FANCG: variants seen among roughly 807,000 people sequenced by gnomAD.
The protein encoded by FANCG is FA complementation group G.
A neutral mutation model predicts 73.3 loss-of-function variants in FANCG; 67 were observed. The observed-to-expected ratio is 0.91, with a 90% CI of 0.75 to 1.12. The LOEUF is 1.12. FANCG is among the 50% of genes most tolerant of loss of function. The probability of loss-of-function intolerance (pLI) is 0.00; values close to 1 mark genes in which losing one functional copy is unlikely to be tolerated. For missense variants in FANCG, 643 were observed against 735.6 expected (o/e 0.87, Z 1.46); for synonymous variants, 297 against 311.6 (o/e 0.95, Z 0.49).
intron 4 of FANCG, 102 bp downstream of exon 4, chr9:35,078,039 A>G (rs1256488296): frequency 1.7e-6 from 2 of 1,207,992 alleles, no homozygotes; most frequent in Non-Finnish European, 2.5e-6. Flanking sequence ...CCGACCACCA[A>G]CCCAGCCGCC....
At chr9:35,078,543 T>C in intron 3 of FANCG, 62 bp downstream of exon 3, 1 of 1,612,092 alleles carries the variant, frequency 6.2e-7, no homozygotes, top group Non-Finnish European at 8.5e-7. Flanking sequence ...CCCATCTCCC[T>C]GCAATAACTT....
At position 35,074,373 on chromosome 9, in the gene FANCG, C is replaced by T; in HGVS notation, c.1758G>A (p.Leu586=). The T allele has an allele frequency of 6.2e-7, 1 of 1,614,218 alleles. No individual in the cohort carries two copies. The highest frequency in any genetic ancestry group is 8.5e-7 in the Non-Finnish European group (1 of 1,180,036). The change falls in exon 13 of 14, where the codon CTG becomes CTA. Residue 586 remains leucine, a splice_region_variant and synonymous_variant. Coordinates refer to ENST00000378643, the MANE Select transcript of FANCG (RefSeq NM_004629.2). ...AQTKGSHEDA[L]WSLPLYLESY... ...AAGCCAGCAGGCCTGAGCCTCACCA[C>T]AGAGCATCTTCATGTGACCCCTTAG...
chr9:35,073,963 C>A lies in FANCG; in HGVS notation c.*145G>T, dbSNP rs536976028. 5.5e-6 allele frequency: 4 copies of A among 728,760 alleles called. No individual in the cohort carries two copies. Among genetic ancestry groups the A allele is most frequent in the Admixed American group, 4.0e-5 (2 of 50,016 alleles). The allele number at this position is 728,760 out of a possible 1,614,324, so 45.1% of individuals were successfully genotyped here. Reference sequence around the variant, plus strand: ...AAAACGAGAATGGTAGTAACTAGGGCAAATTTCACAGGCCTACCACCAATC... The same window carrying A: ...AAAACGAGAATGGTAGTAACTAGGGAAAATTTCACAGGCCTACCACCAATC... On this transcript the variant is annotated 3_prime_UTR_variant, in exon 14 of 14. Coordinates refer to ENST00000378643, the MANE Select transcript of FANCG (RefSeq NM_004629.2).
chr9:35,074,231 G>C lies in FANCG; in HGVS notation c.1761-15C>G. 1.9e-6 allele frequency: 3 copies of C among 1,613,086 alleles called. No homozygotes were observed. The highest frequency in any genetic ancestry group is 2.5e-6 in the Non-Finnish European group (3 of 1,179,012). On this transcript the variant is annotated splice_polypyrimidine_tract_variant and intron_variant, in intron 13 of 13. Coordinates refer to ENST00000378643, the MANE Select transcript of FANCG (RefSeq NM_004629.2). ...GGGGGAGAGACCTGGAGAGAAAGAA[G>C]GATGATGCCTAAGGGTGAAAGATTG...
rs2131051244 is a variant in FANCG at position 35,074,177 on chromosome 9, G to A, written c.1800C>T (p.Ile600=). The change falls in exon 14 of 14, where the codon ATC becomes ATT. Residue 600 remains isoleucine (I), a synonymous_variant. Coordinates refer to ENST00000378643, the MANE Select transcript of FANCG (RefSeq NM_004629.2). Reference sequence around the variant, plus strand: ...GGAAGGCGTCACGATCAGAGGGACGGATCCAGCTCAAATAGCTTTCTAGGT... The same window carrying A: ...GGAAGGCGTCACGATCAGAGGGACGAATCCAGCTCAAATAGCTTTCTAGGT... The part of the protein sequence containing the change: ...PLYLESYLSW[I]RPSDRDAFLE... 1 of 1,614,066 alleles carries A rather than the reference G, an allele frequency of 6.2e-7. No individual in the cohort carries two copies. The highest frequency in any genetic ancestry group is 8.5e-7 in the Non-Finnish European group (1 of 1,179,866).
chr9:35,079,803 G>A lies in FANCG; in HGVS notation c.-279C>T. ...CCTCTTGAAGAGTTAGTTCCCGCGG[G>A]AAACTCGGGGAGGAAACGAGTCAGC... On this transcript the variant is annotated 5_prime_UTR_variant, in exon 1 of 14. Coordinates refer to ENST00000378643, the MANE Select transcript of FANCG (RefSeq NM_004629.2). 1 of 515,556 alleles carries A rather than the reference G, an allele frequency of 1.9e-6. No individual in the cohort carries two copies. The highest frequency in any genetic ancestry group is 3.2e-5 in the Admixed American group (1 of 31,186). 31.9% of individuals were successfully genotyped at this position (515,556 alleles called of 1,614,324 possible).
At chr9:35,077,217 G>A in intron 5 of FANCG, 47 bp downstream of exon 5, 1 of 1,614,100 alleles carries the variant, frequency 6.2e-7, no homozygotes, top group Non-Finnish European at 8.5e-7. Context: ...GCATGAGTCT[G>A]GAGGACCACT....
At position 35,076,590 on chromosome 9, in the gene FANCG, GAGAA is replaced by G; in HGVS notation, c.925-11_925-8del. 1.2e-6 allele frequency: 2 copies of G among 1,614,076 alleles called. No homozygotes were observed. Among genetic ancestry groups the G allele is most frequent in the Non-Finnish European group, 1.7e-6 (2 of 1,179,988 alleles). On this transcript the variant is annotated splice_region_variant and splice_polypyrimidine_tract_variant and intron_variant, in intron 7 of 13. Coordinates refer to ENST00000378643, the MANE Select transcript of FANCG (RefSeq NM_004629.2). ...TGCATGGGACATTCAAGGCCTAAAAGAGAAAGAAAAAAATTGTATCTATAATCTT... is the reference window on the plus strand; with the variant it reads ...TGCATGGGACATTCAAGGCCTAAAAGAGAAAAAAATTGTATCTATAATCTT...
At position 35,076,593 on chromosome 9, in the gene FANCG, A is replaced by G. The variant is rs1187397190; in HGVS notation, c.925-10T>C. 6.2e-7 allele frequency: 1 copy of G among 1,614,126 alleles called. No homozygotes were observed. On this transcript the variant is annotated splice_polypyrimidine_tract_variant and intron_variant, in intron 7 of 13. Transcript: ENST00000378643. ...ATGGGACATTCAAGGCCTAAAAGAG[A>G]AAGAAAAAAATTGTATCTATAATCT... is the stretch of plus-strand genomic sequence containing the variant.
rs567380452 is a variant in FANCG at position 35,076,606 on chromosome 9, G to A, written c.925-23C>T. 12 of 1,613,986 alleles carry A rather than the reference G, an allele frequency of 7.4e-6. No individual in the cohort carries two copies. In the Admixed American group the frequency reaches 1.7e-4, roughly 22 times the overall value. On this transcript the variant is annotated intron_variant, in intron 7 of 13. Transcript: ENST00000378643. ...GGCCTAAAAGAGAAAGAAAAAAATT[G>A]TATCTATAATCTTTGGGAGCCATAC... is the stretch of plus-strand genomic sequence containing the variant.
chr9:35,075,150 C>G, intron 11 of FANCG, 68 bp from the exon 12 acceptor site: 1 of 1,610,542 alleles, frequency 6.2e-7, no homozygotes, highest in Non-Finnish European at 8.5e-7. Context: ...CCAAATCCTC[C>G]TCTATTTCTT....
chr9:35,075,971 C>G lies in FANCG; in HGVS notation c.1134G>C (p.Ser378=), dbSNP rs530574134. The G allele has an allele frequency of 6.2e-7, 1 of 1,614,148 alleles. No individual in the cohort carries two copies. Among genetic ancestry groups the G allele is most frequent in the Non-Finnish European group, 8.5e-7 (1 of 1,180,018 alleles). The part of the protein sequence containing the change: ...LDLLALLLDS[S]EPRFSPPPSP... Reference sequence around the variant, plus strand: ...TTGAAGACACACCCACCCTTGGCTCCGAGCTATCCAGCAACAGGGCCAGCA... The same window carrying G: ...TTGAAGACACACCCACCCTTGGCTCGGAGCTATCCAGCAACAGGGCCAGCA... The change falls in exon 9 of 14, where the codon TCG becomes TCC. Residue 378 remains serine (S), a synonymous_variant. Coordinates refer to ENST00000378643, the MANE Select transcript of FANCG (RefSeq NM_004629.2).
At chr9:35,074,303 A>G in intron 13 of FANCG, 68 bp downstream of exon 13, 2 of 1,613,850 alleles carry the variant, frequency 1.2e-6, no homozygotes, top group South Asian at 1.1e-5. Context: ...TTCACCACCC[A>G]CAATAGGTCC....
intron 12 of FANCG, 103 bp downstream of exon 12, chr9:35,074,824 C>T (rs968837082): frequency 2.2e-5 from 31 of 1,434,722 alleles, no homozygotes; most frequent in Non-Finnish European, 2.6e-5. Flanking sequence ...AATCACCCCT[C>T]CTGTCTGAGA....
intron 3 of FANCG, 102 bp from the exon 4 acceptor site, chr9:35,078,445 A>G: frequency 1.3e-6 from 2 of 1,516,048 alleles, no homozygotes; most frequent in Non-Finnish European, 9.1e-7. Context: ...CAGGACCCCA[A>G]AGGTCACAAT....
Position 35,073,891 on chromosome 9 carries a change from C to A in FANCG, c.*217G>T. ...AAAAGGAGAAACAGGAAAAAAGGTG[C>A]CTCGAGCAAAGTCAATGACTTGGTG... On this transcript the variant is annotated 3_prime_UTR_variant, in exon 14 of 14. Coordinates refer to ENST00000378643, the MANE Select transcript of FANCG (RefSeq NM_004629.2). The A allele has an allele frequency of 1.6e-6, 1 of 617,528 alleles. No individual in the cohort carries two copies. The highest frequency in any genetic ancestry group is 2.9e-6 in the Non-Finnish European group (1 of 345,922). 38.3% of individuals were successfully genotyped at this position (617,528 alleles called of 1,614,324 possible).
rs1829027957 is a variant in FANCG, at chr9:35,074,020, A to AC, written c.*87dup. 1 of 975,164 alleles carries AC rather than the reference A, an allele frequency of 1.0e-6. No homozygotes were observed. Among genetic ancestry groups the AC allele is most frequent in the Non-Finnish European group, 1.7e-6 (1 of 600,446 alleles). 60.4% of individuals were successfully genotyped at this position (975,164 alleles called of 1,614,324 possible). On this transcript the variant is annotated 3_prime_UTR_variant, in exon 14 of 14. Transcript: ENST00000378643. ...GTCCAGGAATTATATAGGAATGGTCACATTCCTAATGATGGTGAAGCAGAA... is the reference window on the plus strand; with the variant it reads ...GTCCAGGAATTATATAGGAATGGTCACCATTCCTAATGATGGTGAAGCAGAA...
At chr9:35,076,116 T>A in intron 8 of FANCG, 88 bp from the exon 9 acceptor site, 1 of 1,297,126 alleles carries the variant, frequency 7.7e-7, no homozygotes, top group Non-Finnish European at 1.1e-6. Context: ...AGCTAACAGA[T>A]GGATGTTCAT....
In FANCG at chr9:35,078,717, A is replaced by T. The variant is rs1829130286; in HGVS notation, c.195T>A (p.Pro65=). The T allele has an allele frequency of 6.2e-7, 1 of 1,614,176 alleles. No individual in the cohort carries two copies. Among genetic ancestry groups the T allele is most frequent in the Non-Finnish European group, 8.5e-7 (1 of 1,180,032 alleles). The part of the protein sequence containing the change: ...HSLQGLPAAV[P]VLPLELTVTC... ...TGACAGTCAGCTCCAAGGGAAGAAC[A>T]GGAACAGCTGCAGGGAGCCCTGGAG... is the stretch of plus-strand genomic sequence containing the variant. The change falls in exon 3 of 14, where the codon CCT becomes CCA. Residue 65 remains proline, a synonymous_variant. Transcript: ENST00000378643.
Sources: allele counts gnomAD v4.1 joint callset, GRCh38; gene constraint gnomAD v4.1.1; transcripts MANE v1.5; gene names NCBI Gene and HGNC (gene_info 2026-07-23, HGNC 2026-07-21).